Variants in GMEB2 observed in about 807,000 individuals in gnomAD.
GMEB2 encodes the protein glucocorticoid modulatory element binding protein 2, also known as glucocorticoid modulatory element-binding protein 2.
GMEB2 carries 7 observed loss-of-function variants against 45.7 expected under a neutral mutation model. That is an observed-to-expected ratio of 0.15 (90% CI 0.09 to 0.29). The LOEUF is 0.29. Ranked by LOEUF, GMEB2 falls within the 10% of genes least tolerant of loss-of-function variation. GMEB2 has a pLI of 1.00. For missense variants in GMEB2, 582 were observed against 739.2 expected (o/e 0.79, Z 2.47); for synonymous variants, 322 against 323.6 (o/e 1.00, Z 0.05).
At position 63,592,507 on chromosome 20, in the gene GMEB2, G is replaced by C. The variant is rs1392434895; in HGVS notation, c.829+26C>G. ...CAGAGACTCCTGGGCTGAGTAGCCAGCAAGAGGGAAGATGCAGCTTCTCAC... is the reference window on the plus strand; with the variant it reads ...CAGAGACTCCTGGGCTGAGTAGCCACCAAGAGGGAAGATGCAGCTTCTCAC... On this transcript the variant is annotated intron_variant, in intron 8 of 9. Coordinates refer to ENST00000370077, the MANE Select transcript of GMEB2 (RefSeq NM_012384.5). The surrounding 1 kb of genome is among the most constrained non-coding windows in gnomAD (Gnocchi z 8.2). 6.3e-7 allele frequency: 1 copy of C among 1,589,630 alleles called. No homozygotes were observed. The highest frequency in any genetic ancestry group is 1.7e-5 in the Admixed American group (1 of 58,568).
In GMEB2 at chr20:63,619,259, G is replaced by T; in HGVS notation, c.131+8C>A. The T allele has an allele frequency of 6.2e-7, 1 of 1,606,994 alleles. No individual in the cohort carries two copies. On this transcript the variant is annotated splice_region_variant and intron_variant, in intron 2 of 9. Transcript: ENST00000370077. The surrounding 1 kb of genome is among the most constrained non-coding windows in gnomAD (Gnocchi z 4.6). ...ATCAGCCCCAATGGCACCGAGGCCC[G>T]AGCTTACCCGTGAGGGGCCAAGTTG...
In GMEB2 at chr20:63,621,330, G is replaced by A. The variant is rs143146792; in HGVS notation, c.-57-1876C>T. Among the ~76,000 whole-genome samples the A allele has an allele frequency of 1.6e-4, 24 of 152,304 alleles. No individual in the cohort carries two copies. In the East Asian group the frequency reaches 4.6e-3, roughly 29 times the overall value. ...GCTCTGGAAATGGACGGCGGTGATG[G>A]CTGCACAATCACTGTGGCTGTTCTG... is the stretch of plus-strand genomic sequence containing the variant. On this transcript the variant is annotated intron_variant, in intron 1 of 9. Coordinates refer to ENST00000370077, the MANE Select transcript of GMEB2 (RefSeq NM_012384.5).
rs760903199 is a variant in GMEB2 at position 63,590,370 on chromosome 20, C to T, written c.1312G>A (p.Gly438Ser). The T allele has an allele frequency of 1.6e-5, 26 of 1,605,486 alleles. No homozygotes were observed. The highest frequency in any genetic ancestry group is 6.7e-5 in the Admixed American group (4 of 59,626). The change falls in exon 10 of 10, where the codon GGC becomes AGC. Residue 438 changes from glycine (G) to serine (S), a missense_variant. Physicochemically the swap from Gly to Ser is moderately conservative, Grantham distance 56. Transcript: ENST00000370077. Reference protein sequence around the residue: ...LGGYTVLASSGSTYPSTVEIH... With the variant: ...LGGYTVLASSSSTYPSTVEIH... Reference sequence around the variant, plus strand: ...TCCACTGTGCTGGGGTAGGTGGAGCCGGAAGAGGCCAAGACTGTGTATCCC... The same window carrying T: ...TCCACTGTGCTGGGGTAGGTGGAGCTGGAAGAGGCCAAGACTGTGTATCCC...
At chr20:63,604,332 C>A (rs925736870) in intron 3 of GMEB2, among the ~76,000 whole-genome samples, 1 of 152,032 alleles carries the variant, frequency 6.6e-6, no homozygotes. Context: ...GAACGGTGAT[C>A]GTGCCACTGC....
At chr20:63,598,206 A>G (rs983236459) in intron 4 of GMEB2, among the ~76,000 whole-genome samples, 1 of 152,224 alleles carries the variant, frequency 6.6e-6, no homozygotes, top group African/African-American at 2.4e-5. Context: ...TTTTATAAAT[A>G]CACGTTATTG....
chr20:63,591,954 G>C, intron 9 of GMEB2, 68 bp downstream of exon 9: 1 of 1,419,106 alleles, frequency 7.0e-7, no homozygotes. Flanking sequence ...CAGCCGTGGG[G>C]TGAGCCCGTG....
At position 63,592,242 on chromosome 20, in the gene GMEB2, G is replaced by A. The variant is rs1473221797; in HGVS notation, c.830-98C>T. 1.0e-5 allele frequency: 12 copies of A among 1,160,302 alleles called. No homozygotes were observed. Among genetic ancestry groups the A allele is most frequent in the Admixed American group, 4.2e-5 (2 of 47,344 alleles). The allele number at this position is 1,160,302 out of a possible 1,614,324, so 71.9% of individuals were successfully genotyped here. On this transcript the variant is annotated intron_variant, in intron 8 of 9. Transcript: ENST00000370077. This position sits in a 1 kb window ranked among gnomAD's most constrained non-coding sequence, Gnocchi z 8.2. ...GCCCGGGACCTTCCTAGAGAGTCAC[G>A]TGGACGCTCGGTGAGAGCCTGGGCT... is the stretch of plus-strand genomic sequence containing the variant.
At chr20:63,597,161 CTT>C (rs1374777797) in intron 5 of GMEB2, among the ~76,000 whole-genome samples, 4 of 103,260 alleles carry the variant, frequency 3.9e-5, no homozygotes, top group Non-Finnish European at 6.5e-5. Context: ...CCTTTTTATT[CTT>C]GTTTTTTTTT....
chr20:63,616,830 G>A (rs754403870), intron 2 of GMEB2, among the ~76,000 whole-genome samples: 1 of 152,222 alleles, frequency 6.6e-6, no homozygotes, highest in Non-Finnish European at 1.5e-5. Flanking sequence ...AGGGGAAGGC[G>A]TTATCCTGAA....
chr20:63,604,944 T>TA (rs2089507231), intron 2 of GMEB2, 104 bp from the exon 3 acceptor site: 1 of 738,166 alleles, frequency 1.4e-6, no homozygotes, highest in African/African-American at 1.7e-5. Context: ...TACACTCTTC[T>TA]AACTGAATTC....
chr20:63,609,721 A>C (rs1424283297), intron 2 of GMEB2, among the ~76,000 whole-genome samples: 6 of 21,548 alleles, frequency 2.8e-4, no homozygotes, highest in Admixed American at 1.1e-3. Flanking sequence ...CCTCTGACCC[A>C]CACCTCCATT....
intron 9 of GMEB2, among the ~76,000 whole-genome samples, 166 bp downstream of exon 9, chr20:63,591,856 T>G (rs2083149719): frequency 6.6e-6 from 1 of 152,246 alleles, no homozygotes; most frequent in African/African-American, 2.4e-5. Flanking sequence ...ACTACCTCAC[T>G]TAAGCTTCAG....
intron 2 of GMEB2, among the ~76,000 whole-genome samples, chr20:63,612,334 C>T (rs2089577150): frequency 6.6e-6 from 1 of 152,120 alleles, no homozygotes; most frequent in Non-Finnish European, 1.5e-5. Context: ...TGCCCTGGAG[C>T]CCGTCCTGTC....
chr20:63,589,822 G>C lies in GMEB2; in HGVS notation c.*267C>G. On this transcript the variant is annotated 3_prime_UTR_variant, in exon 10 of 10. Transcript: ENST00000370077. Reference sequence around the variant, plus strand: ...CTGATCAAGGCCCAATGTGTAAACAGTATTAATAAGCAACAGATGGAAAAA... The same window carrying C: ...CTGATCAAGGCCCAATGTGTAAACACTATTAATAAGCAACAGATGGAAAAA... 1 of 396,100 alleles carries C rather than the reference G, an allele frequency of 2.5e-6. No individual in the cohort carries two copies. Among genetic ancestry groups the C allele is most frequent in the Non-Finnish European group, 4.5e-6 (1 of 221,944 alleles). 24.5% of individuals were successfully genotyped at this position (396,100 alleles called of 1,614,324 possible). A position where few individuals can be genotyped will look rare whatever the true frequency, so the allele number is the denominator to read the frequency against.
chr20:63,604,838 C>T lies in GMEB2; in HGVS notation c.134G>A (p.Gly45Asp), dbSNP rs144084027. ...CTCCATGTTATCTTCCGTCAGGTCG[C>T]CCCTGGTGAAGTGAAGGGAGGAGAG... ...LVTTNLAPHG[G>D]DLTEDNMETE... Residue 45 changes from glycine to aspartate, a missense_variant and splice_region_variant, in exon 3 of 10, where the codon GGC becomes GAC. Around this residue, in one of 3 missense-constraint regions of GMEB2, gnomAD observed 114 missense variants for 123.4 expected, o/e 0.92. Coordinates refer to ENST00000370077, the MANE Select transcript of GMEB2 (RefSeq NM_012384.5). 5.6e-6 allele frequency: 9 copies of T among 1,598,482 alleles called. No homozygotes were observed. In the African/African-American group the frequency reaches 1.2e-4, roughly 21 times the overall value.
At position 63,595,754 on chromosome 20, in the gene GMEB2, A is replaced by C; in HGVS notation, c.475T>G (p.Ser159Ala). 5 of 1,614,010 alleles carry C rather than the reference A, an allele frequency of 3.1e-6. No homozygotes were observed. The highest frequency in any genetic ancestry group is 4.2e-6 in the Non-Finnish European group (5 of 1,179,902). ...NGIMLRKIMD[S>A]GELDFYQHDK... is the part of the protein sequence containing the mutation. Reference sequence around the variant, plus strand: ...TGCTGGTAGAAGTCCAGTTCCCCGGAGTCCATGATCTTCCTGTGACAGACA... The same window carrying C: ...TGCTGGTAGAAGTCCAGTTCCCCGGCGTCCATGATCTTCCTGTGACAGACA... The change falls in exon 6 of 10, where the codon TCC (serine) becomes GCC (alanine). Residue 159 changes from serine (S) to alanine (A), a missense_variant. By Grantham distance (99) the Ser-to-Ala change is moderately conservative. This residue lies in a region of GMEB2 where 462 missense variants were observed against 586.7 expected (regional missense o/e 0.79). Transcript: ENST00000370077.
At chr20:63,607,239 C>A (rs75084373) in intron 2 of GMEB2, among the ~76,000 whole-genome samples, 44 of 122,530 alleles carry the variant, frequency 3.6e-4, no homozygotes, top group African/African-American at 7.0e-4. Context: ...TCTGACCCAC[C>A]TCCATTTCTA....
chr20:63,606,643 A>G (rs1281541917), intron 2 of GMEB2, among the ~76,000 whole-genome samples: 2 of 152,212 alleles, frequency 1.3e-5, no homozygotes, highest in Non-Finnish European at 2.9e-5. Flanking sequence ...CACTGCGCCC[A>G]GCCACCACAA....
chr20:63,603,108 T>A lies in GMEB2; in HGVS notation c.230-16A>T. The A allele has an allele frequency of 6.2e-7, 1 of 1,613,616 alleles. No homozygotes were observed. The highest frequency in any genetic ancestry group is 8.5e-7 in the Non-Finnish European group (1 of 1,179,710). On this transcript the variant is annotated splice_polypyrimidine_tract_variant and intron_variant, in intron 3 of 9. Coordinates refer to ENST00000370077, the MANE Select transcript of GMEB2 (RefSeq NM_012384.5). ...GCCATCTTCACTTCTCACAGGCACA[T>A]TGACAGGGAAGGGTAAAAGCAGAAC...
Sources: gnomAD v4.1 joint callset for allele counts (sites outside exome capture counted in the v4.1 genomes callset) on GRCh38, gnomAD v4.1.1 for gene constraint, gnomAD v4.1.1 regional missense constraint, Gnocchi (gnomAD v3.1) non-coding constraint, MANE v1.5 for transcripts, NCBI Gene and HGNC (gene_info 2026-07-23, HGNC 2026-07-21) for gene names.